The following EDIL3 variants were observed in gnomAD, a reference collection of about 807,000 sequenced individuals.
EDIL3 encodes the protein EGF like and discoidin domains 3, also known as EGF-like repeat and discoidin I-like domain-containing protein 3.
In EDIL3, 37 loss-of-function variants were observed where a neutral mutation model predicts 67.4. The observed-to-expected ratio is 0.55, with a 90% CI of 0.42 to 0.72. EDIL3 has a LOEUF of 0.72. Among genes scored for constraint, EDIL3 ranks in the 30% least tolerant of loss-of-function variants. The pLI, the probability that EDIL3 is intolerant of heterozygous loss-of-function variation, is 0.00. For missense variants in EDIL3, 527 were observed against 586.3 expected (o/e 0.90, Z 1.04); for synonymous variants, 195 against 196.3 (o/e 0.99, Z 0.05).
chr5:84,040,982 T>C (rs1163224008), intron 9 of EDIL3, among the ~76,000 whole-genome samples: 1 of 151,928 alleles, frequency 6.6e-6, no homozygotes, highest in Non-Finnish European at 1.5e-5. Context: ...AATACAAAAA[T>C]TAGCCAACCT....
chr5:84,351,903 G>A (rs1482227907), intron 1 of EDIL3, among the ~76,000 whole-genome samples: 5 of 151,570 alleles, frequency 3.3e-5, no homozygotes, highest in African/African-American at 1.2e-4. Flanking sequence ...AAAGAAGGCT[G>A]ACATCCAGAA....
intron 3 of EDIL3, among the ~76,000 whole-genome samples, chr5:84,203,746 T>C (rs1444994114): frequency 6.6e-6 from 1 of 152,212 alleles, no homozygotes; most frequent in Non-Finnish European, 1.5e-5. Flanking sequence ...AGACTCATAA[T>C]AAGACAATAC....
chr5:84,153,525 C>A (rs1341259733), intron 4 of EDIL3, among the ~76,000 whole-genome samples: 1 of 151,926 alleles, frequency 6.6e-6, no homozygotes, highest in Non-Finnish European at 1.5e-5. Context: ...GAACTCCTGA[C>A]CTCAGGCTGG....
intron 4 of EDIL3, among the ~76,000 whole-genome samples, chr5:84,175,637 C>A (rs1748889394): frequency 1.3e-5 from 2 of 152,152 alleles, no homozygotes; most frequent in African/African-American, 4.8e-5. Flanking sequence ...ACCTTAGGCA[C>A]AGATCCATTA....
At chr5:84,360,410 C>G (rs1561268277) in intron 1 of EDIL3, among the ~76,000 whole-genome samples, 1 of 152,132 alleles carries the variant, frequency 6.6e-6, no homozygotes, top group Non-Finnish European at 1.5e-5. Flanking sequence ...GAATGTAGAT[C>G]ATTTACTTAA....
At chr5:84,154,611 C>T (rs1232956594) in intron 4 of EDIL3, among the ~76,000 whole-genome samples, 1 of 146,560 alleles carries the variant, frequency 6.8e-6, no homozygotes, top group Non-Finnish European at 1.5e-5. Context: ...GAAGTATAAA[C>T]TTATTCACCA....
chr5:84,254,611 AT>A (rs1745093802), intron 1 of EDIL3, among the ~76,000 whole-genome samples: 2 of 152,184 alleles, frequency 1.3e-5, no homozygotes, highest in African/African-American at 4.8e-5. Context: ...ACAGGAGTTT[AT>A]TTCTGGATCC....
chr5:84,035,443 T>G (rs1214613207), intron 9 of EDIL3, among the ~76,000 whole-genome samples: 1 of 152,136 alleles, frequency 6.6e-6, no homozygotes, highest in Non-Finnish European at 1.5e-5. Flanking sequence ...ATAATGGTGA[T>G]CCCTTAAAAT....
At chr5:83,990,879 CAATA>C (rs200045595) in intron 9 of EDIL3, among the ~76,000 whole-genome samples, 53,607 of 139,896 alleles carry the variant, frequency 0.38, 10,231 homozygotes, top group South Asian at 0.46. Flanking sequence ...GACTCTGTCT[CAATA>C]AATAAATAAA....
At chr5:84,293,122 G>C (rs559549860) in intron 1 of EDIL3, among the ~76,000 whole-genome samples, 1 of 152,180 alleles carries the variant, frequency 6.6e-6, no homozygotes, top group Non-Finnish European at 1.5e-5. Context: ...GACCTTCTAG[G>C]TGCAAGAGCC....
In EDIL3 at chr5:84,072,609, T is replaced by A. The variant is rs73769721; in HGVS notation, c.652-6003A>T. ...CACACATCCTCTTTAACTCAGCAAT[T>A]CTATTTAAAAAATGTATCCTACAAG... is the stretch of plus-strand genomic sequence containing the variant. On this transcript the variant is annotated intron_variant, in intron 6 of 10. Coordinates refer to ENST00000296591, the MANE Select transcript of EDIL3 (RefSeq NM_005711.5). 6.3e-3 allele frequency among the ~76,000 whole-genome samples: 960 copies of A among 152,256 alleles called. 16 individuals carry two copies. The highest frequency in any genetic ancestry group is 0.022 in the African/African-American group (929 of 41,550).
chr5:83,955,282 G>A (rs1400832497), intron 10 of EDIL3, among the ~76,000 whole-genome samples: 1 of 151,634 alleles, frequency 6.6e-6, no homozygotes, highest in Non-Finnish European at 1.5e-5. Context: ...TGGCATTTGA[G>A]CACTGGGAAA....
At chr5:84,216,565 T>C (rs1385387945) in intron 3 of EDIL3, among the ~76,000 whole-genome samples, 1 of 152,218 alleles carries the variant, frequency 6.6e-6, no homozygotes, top group Non-Finnish European at 1.5e-5. Context: ...TTGCTTATTA[T>C]GTAACCTTGT....
At chr5:83,977,264 T>G (rs73771558) in intron 9 of EDIL3, among the ~76,000 whole-genome samples, 3,858 of 152,012 alleles carry the variant, frequency 0.025, 126 homozygotes, top group South Asian at 0.095. Flanking sequence ...GAAGATTTTT[T>G]TCAAGTGAAA....
intron 9 of EDIL3, among the ~76,000 whole-genome samples, chr5:84,029,284 TA>T (rs1383431743): frequency 6.6e-6 from 1 of 150,986 alleles, no homozygotes; most frequent in Non-Finnish European, 1.5e-5. Flanking sequence ...ACAAAACAAA[TA>T]AAGAGGAGTT....
At chr5:84,286,302 G>A (rs555883450) in intron 1 of EDIL3, among the ~76,000 whole-genome samples, 1 of 152,214 alleles carries the variant, frequency 6.6e-6, no homozygotes, top group African/African-American at 2.4e-5. Context: ...AGAGAGTAGG[G>A]AGTCATAGAG....
intron 5 of EDIL3, among the ~76,000 whole-genome samples, chr5:84,132,078 C>CA (rs890494519): frequency 3.4e-5 from 5 of 148,442 alleles, no homozygotes; most frequent in Non-Finnish European, 5.9e-5. Flanking sequence ...ACTAAAAATA[C>CA]AAAAAAAATA....
chr5:84,215,315 A>G (rs949110486), intron 3 of EDIL3, among the ~76,000 whole-genome samples: 2 of 151,764 alleles, frequency 1.3e-5, no homozygotes, highest in Non-Finnish European at 2.9e-5. Flanking sequence ...GTGCAGTGGC[A>G]CAATCTCGGC....
intron 3 of EDIL3, among the ~76,000 whole-genome samples, chr5:84,209,064 T>C (rs1337261980): frequency 1.3e-5 from 2 of 152,126 alleles, no homozygotes; most frequent in East Asian, 1.9e-4. Context: ...GATGAGCTCA[T>C]GTCCTTTGTA....
Sources: allele counts gnomAD v4.1 joint callset (sites outside exome capture counted in the v4.1 genomes callset), GRCh38; gene constraint gnomAD v4.1.1; transcripts MANE v1.5; gene names NCBI Gene and HGNC (gene_info 2026-07-23, HGNC 2026-07-21).